TYW5: variants seen among roughly 807,000 people sequenced by gnomAD.
TYW5 encodes the protein tRNA wybutosine-synthesizing protein 5.
A neutral mutation model predicts 44.4 loss-of-function variants in TYW5; 36 were observed. The ratio of observed to expected loss-of-function variants is 0.81; its 90% CI spans 0.62 to 1.07. TYW5 has a LOEUF of 1.07. TYW5 is among the 50% of genes least tolerant of loss of function. The pLI is 0.00. For missense variants in TYW5, 354 were observed against 365.7 expected (o/e 0.97, Z 0.26); for synonymous variants, 121 against 128.1 (o/e 0.94, Z 0.37).
chr2:199,939,973 G>A, intron 4 of TYW5, 116 bp downstream of exon 4: 2 of 987,614 alleles, frequency 2.0e-6, no homozygotes, highest in Non-Finnish European at 3.1e-6. Context: ...GAGAAGAATG[G>A]AAAAGGATAG....
Position 199,945,332 on chromosome 2 carries a change from G to A in TYW5, c.234-1498C>T, listed in dbSNP as rs1199088168. On this transcript the variant is annotated intron_variant, in intron 2 of 7. Coordinates refer to ENST00000354611, the MANE Select transcript of TYW5 (RefSeq NM_001039693.3). ...CCTGCCTTATATCCTCCCGCAAAAA[G>A]CTAAGGGAATCTGAAGCCAGGTTAT... 3 of 152,140 alleles carry A rather than the reference G, an allele frequency of 2.0e-5. No homozygotes were observed. In the East Asian group the frequency reaches 5.8e-4, roughly 29 times the overall value. 9.4% of individuals were successfully genotyped at this position (152,140 alleles called of 1,614,324 possible). A position where few individuals can be genotyped will look rare whatever the true frequency, so the allele number is the denominator to read the frequency against.
At chr2:199,955,213 G>A (rs1245793353) in intron 1 of TYW5, 180 bp downstream of exon 1, 1 of 591,278 alleles carries the variant, frequency 1.7e-6, no homozygotes, top group African/African-American at 1.9e-5. Context: ...TTCAATAGAG[G>A]AGCCAGTCGG....
chr2:199,946,383 C>T, intron 2 of TYW5: 1 of 152,128 alleles, frequency 6.6e-6, no homozygotes, highest in Non-Finnish European at 1.5e-5. Flanking sequence ...AAATCAAGAT[C>T]AGAACTGATG....
At chr2:199,941,041 A>T (rs1019565176) in intron 3 of TYW5, among the ~76,000 whole-genome samples, 1 of 152,202 alleles carries the variant, frequency 6.6e-6, no homozygotes. Context: ...ATCATTTAAA[A>T]AAATTATTTA....
chr2:199,944,820 T>C (rs756345089), intron 2 of TYW5: 14 of 152,232 alleles, frequency 9.2e-5, no homozygotes, highest in East Asian at 3.8e-4. Context: ...TATGAGAAGA[T>C]GACCTTGGGC....
chr2:199,939,632 A>C (rs2105697567), intron 4 of TYW5, among the ~76,000 whole-genome samples: 1 of 152,328 alleles, frequency 6.6e-6, no homozygotes, highest in South Asian at 2.1e-4. Context: ...GGAGGGGACT[A>C]AAAGAGAGGG....
intron 2 of TYW5, chr2:199,947,537 T>C (rs1471872686): frequency 1.3e-5 from 2 of 152,204 alleles, no homozygotes; most frequent in Non-Finnish European, 2.9e-5. Context: ...AAATTAAGTA[T>C]GATTTTTAAA....
In TYW5 at chr2:199,953,891, G is replaced by A. The variant is rs1051739376; in HGVS notation, c.78+1502C>T. Among the ~76,000 whole-genome samples, 6 of 152,090 alleles carry A rather than the reference G, an allele frequency of 3.9e-5. No individual in the cohort carries two copies. The East Asian group carries it at 1.2e-3, about 29-fold the overall frequency. ...TAAATTACAAAATACCTTTTGCTAT[G>A]ACTCTTACAAAGCACTTCCACATAC... On this transcript the variant is annotated intron_variant, in intron 1 of 7. Coordinates refer to ENST00000354611, the MANE Select transcript of TYW5 (RefSeq NM_001039693.3).
rs1342138966 is a variant in TYW5, at chr2:199,936,504, T to C, written c.487-12A>G. On this transcript the variant is annotated splice_polypyrimidine_tract_variant and intron_variant, in intron 5 of 7. Transcript: ENST00000354611. ...AAATTATCCATTACCTGAAGACCAA[T>C]AAAAGCTTATGGGTAATCATTATCT... 2 of 1,603,494 alleles carry C rather than the reference T, an allele frequency of 1.2e-6. No individual in the cohort carries two copies. Among genetic ancestry groups the C allele is most frequent in the African/African-American group, 1.3e-5 (1 of 74,558 alleles).
intron 1 of TYW5, among the ~76,000 whole-genome samples, chr2:199,952,523 T>C (rs1316518331): frequency 6.6e-6 from 1 of 152,232 alleles, no homozygotes; most frequent in Non-Finnish European, 1.5e-5. Flanking sequence ...ATTTTCAGCC[T>C]TTTACCCCCT....
At chr2:199,952,460 A>G (rs533168396) in intron 1 of TYW5, among the ~76,000 whole-genome samples, 3 of 152,322 alleles carry the variant, frequency 2.0e-5, no homozygotes, top group Admixed American at 2.0e-4. Flanking sequence ...CCTAGTTTAA[A>G]GGCCATTTTA....
At chr2:199,950,497 C>T (rs1482989145) in intron 1 of TYW5, among the ~76,000 whole-genome samples, 1 of 152,148 alleles carries the variant, frequency 6.6e-6, no homozygotes, top group Non-Finnish European at 1.5e-5. Context: ...CCAGGGCCCC[C>T]CTCCGAGTAG....
intron 7 of TYW5, among the ~76,000 whole-genome samples, chr2:199,935,006 A>AT (rs919047260): frequency 3.1e-4 from 47 of 150,954 alleles, no homozygotes; most frequent in African/African-American, 8.2e-4. Flanking sequence ...GATACTTATC[A>AT]TTTTTTTTTG....
intron 2 of TYW5, chr2:199,947,174 A>AC (rs2105707563): frequency 6.6e-6 from 1 of 152,334 alleles, no homozygotes; most frequent in African/African-American, 2.4e-5. Flanking sequence ...CAGCTGCTAT[A>AC]TGAACTTGGA....
At chr2:199,948,533 T>C in intron 1 of TYW5, 61 bp from the exon 2 acceptor site, 1 of 1,574,486 alleles carries the variant, frequency 6.4e-7, no homozygotes, top group Non-Finnish European at 8.7e-7. Context: ...TCAAGAGCTG[T>C]ATTTGGCAAC....
intron 1 of TYW5, among the ~76,000 whole-genome samples, chr2:199,949,186 C>T (rs1232677972): frequency 6.6e-6 from 1 of 151,708 alleles, no homozygotes; most frequent in Non-Finnish European, 1.5e-5. Flanking sequence ...GAAACCCCAT[C>T]TCTACTAAAA....
Position 199,951,077 on chromosome 2 carries a change from G to A in TYW5, c.79-2605C>T, listed in dbSNP as rs1273393846. On this transcript the variant is annotated intron_variant, in intron 1 of 7. Coordinates refer to ENST00000354611, the MANE Select transcript of TYW5 (RefSeq NM_001039693.3). ...CTTCTTAAATGTACATGTAGCTCAT[G>A]TTTATTTCAATGTTTAAGATTAGAA... Among the ~76,000 whole-genome samples the A allele has an allele frequency of 5.9e-5, 9 of 152,162 alleles. 1 individual carries two copies. The highest frequency in any genetic ancestry group is 5.9e-4 in the Admixed American group (9 of 15,280).
At chr2:199,943,481 T>C (rs924140051) in intron 3 of TYW5, 1 of 271,100 alleles carries the variant, frequency 3.7e-6, no homozygotes, top group Middle Eastern at 1.2e-3. Context: ...CACTGCTAAG[T>C]ATTTTACTAT....
chr2:199,950,306 G>A (rs2077534911), intron 1 of TYW5, among the ~76,000 whole-genome samples: 1 of 152,078 alleles, frequency 6.6e-6, no homozygotes, highest in East Asian at 1.9e-4. Flanking sequence ...TCAGCAGTGG[G>A]AAACCTAGTT....
Sources: allele counts gnomAD v4.1 joint callset (sites outside exome capture counted in the v4.1 genomes callset), GRCh38; gene constraint gnomAD v4.1.1; transcripts MANE v1.5; gene names NCBI Gene and HGNC (gene_info 2026-07-23, HGNC 2026-07-21).